The following RANBP2 variants were observed in gnomAD, a reference collection of about 807,000 sequenced individuals.
RANBP2 encodes the protein RAN binding protein 2, also known as E3 SUMO-protein ligase RanBP2.
RANBP2 carries 57 observed loss-of-function variants against 303.6 expected under a neutral mutation model. The ratio of observed to expected loss-of-function variants is 0.19; its 90% CI spans 0.15 to 0.23. The LOEUF (loss-of-function observed/expected upper bound fraction) is 0.23. RANBP2 is among the 10% of genes least tolerant of loss of function. The pLI is 1.00. For missense variants in RANBP2, 3,138 were observed against 3,780.8 expected (o/e 0.83, Z 4.46); for synonymous variants, 1,167 against 1,301.5 (o/e 0.90, Z 2.23).
the RANBP2 span, chr2:108,910,649 C>T: frequency 7.1e-7 from 1 of 1,411,458 alleles, no homozygotes; most frequent in Middle Eastern, 1.9e-4. Flanking sequence ...TGTGGCACCA[C>T]CCCACGGTAA....
At chr2:109,629,339 A>G in the RANBP2 span, among the ~76,000 whole-genome samples, 7 of 9,730 alleles carry the variant, frequency 7.2e-4, no homozygotes, top group African/African-American at 1.2e-3. Flanking sequence ...ATATATATAT[A>G]TATATATATA....
At chr2:109,611,372 T>C in the RANBP2 span, among the ~76,000 whole-genome samples, 1 of 151,744 alleles carries the variant, frequency 6.6e-6, no homozygotes, top group Non-Finnish European at 1.5e-5. Context: ...CAAAAGACCC[T>C]GTTAGAAGAT....
At chr2:108,950,859 C>A in the RANBP2 span, among the ~76,000 whole-genome samples, 1 of 152,246 alleles carries the variant, frequency 6.6e-6, no homozygotes, top group Non-Finnish European at 1.5e-5. Flanking sequence ...TGAACTGGAG[C>A]AAGGGACCCA....
the RANBP2 span, among the ~76,000 whole-genome samples, chr2:109,629,236 A>AAATAAATG: frequency 9.1e-6 from 1 of 109,604 alleles, no homozygotes; most frequent in South Asian, 2.9e-4. Context: ...ATAAATAAAT[A>AAATAAATG]AAATGCTTAA....
At chr2:108,915,155 T>C in the RANBP2 span, among the ~76,000 whole-genome samples, 1 of 152,204 alleles carries the variant, frequency 6.6e-6, no homozygotes, top group Non-Finnish European at 1.5e-5. Flanking sequence ...CCACCTGCCT[T>C]GGCCTCCCAA....
Position 108,754,887 on chromosome 2 carries a change from A to G in RANBP2, c.2203-18A>G. 1 of 1,611,514 alleles carries G rather than the reference A, an allele frequency of 6.2e-7. No individual in the cohort carries two copies. Among genetic ancestry groups the G allele is most frequent in the Non-Finnish European group, 8.5e-7 (1 of 1,179,714 alleles). Reference sequence around the variant, plus strand: ...TTTTTGCAAATGAAAGCCCTTAATTAATGTCTTTTATTTTTAGTTGCCTGT... The same window carrying G: ...TTTTTGCAAATGAAAGCCCTTAATTGATGTCTTTTATTTTTAGTTGCCTGT... On this transcript the variant is annotated intron_variant, in intron 15 of 28. Transcript: ENST00000283195.
chr2:109,632,149 G>A, the RANBP2 span, among the ~76,000 whole-genome samples: 1 of 152,192 alleles, frequency 6.6e-6, no homozygotes, highest in South Asian at 2.1e-4. Flanking sequence ...GTGCCAGGAC[G>A]TGATGTGCCC....
the RANBP2 span, among the ~76,000 whole-genome samples, chr2:109,523,077 G>GGCA: frequency 6.6e-6 from 1 of 152,124 alleles, no homozygotes; most frequent in Non-Finnish European, 1.5e-5. Context: ...TCCACTGACA[G>GGCA]GCAGCCCTCT....
chr2:109,573,343 T>A, the RANBP2 span, among the ~76,000 whole-genome samples: 48,595 of 152,050 alleles, frequency 0.32, 7,996 homozygotes, highest in Admixed American at 0.42. Flanking sequence ...ATGTTGCTCC[T>A]CTCTAGCTAA....
chr2:109,420,223 C>G, the RANBP2 span, among the ~76,000 whole-genome samples: 1 of 152,130 alleles, frequency 6.6e-6, no homozygotes, highest in African/African-American at 2.4e-5. Context: ...TTAAAATTCC[C>G]CATTTAAATC....
chr2:109,382,620 C>G, the RANBP2 span, among the ~76,000 whole-genome samples: 1 of 152,178 alleles, frequency 6.6e-6, no homozygotes, highest in Non-Finnish European at 1.5e-5. Context: ...CTTTGGAACA[C>G]CGAGCCCTGT....
chr2:109,465,610 G>GA, the RANBP2 span, among the ~76,000 whole-genome samples: 1 of 152,170 alleles, frequency 6.6e-6, no homozygotes, highest in African/African-American at 2.4e-5. Flanking sequence ...CTGCTATAAA[G>GA]AAATACCTGA....
chr2:108,932,027 C>T, the RANBP2 span, among the ~76,000 whole-genome samples: 1 of 152,148 alleles, frequency 6.6e-6, no homozygotes, highest in African/African-American at 2.4e-5. Flanking sequence ...ACCTTTCACC[C>T]TCAGAATTCT....
the RANBP2 span, among the ~76,000 whole-genome samples, chr2:108,847,648 T>C: frequency 1.8e-4 from 28 of 152,346 alleles, no homozygotes; most frequent in Non-Finnish European, 4.0e-4. Flanking sequence ...TTTGTTAAAG[T>C]GAGTTATGCC....
chr2:109,404,767 C>A, the RANBP2 span, among the ~76,000 whole-genome samples: 1 of 152,278 alleles, frequency 6.6e-6, no homozygotes, highest in East Asian at 1.9e-4. Context: ...GCTCGACTCT[C>A]TGCAGTCCGA....
At chr2:109,598,622 C>A in the RANBP2 span, among the ~76,000 whole-genome samples, 1 of 151,832 alleles carries the variant, frequency 6.6e-6, no homozygotes, top group African/African-American at 2.4e-5. Flanking sequence ...GCAGGTAGAT[C>A]ACTTGAGGTC....
At chr2:109,483,578 C>G in the RANBP2 span, among the ~76,000 whole-genome samples, 1 of 152,338 alleles carries the variant, frequency 6.6e-6, no homozygotes, top group African/African-American at 2.4e-5. Context: ...CTTTGACTTC[C>G]TATCTGCTGT....
chr2:108,837,257 C>T, the RANBP2 span, among the ~76,000 whole-genome samples: 5 of 152,104 alleles, frequency 3.3e-5, no homozygotes, highest in Non-Finnish European at 7.4e-5. Flanking sequence ...GGCGTTGAAT[C>T]TTGTTCAGTG....
the RANBP2 span, among the ~76,000 whole-genome samples, chr2:109,528,242 C>T: frequency 7.6e-3 from 1,152 of 152,282 alleles, 21 homozygotes; most frequent in African/African-American, 0.026. Flanking sequence ...ACCCTGTGCC[C>T]CGCTGTGCCC....
Sources: gnomAD v4.1 joint callset for allele counts (sites outside exome capture counted in the v4.1 genomes callset) on GRCh38, gnomAD v4.1.1 for gene constraint, MANE v1.5 for transcripts, NCBI Gene and HGNC (gene_info 2026-07-23, HGNC 2026-07-21) for gene names.